The following PARD3B variants were observed in gnomAD, a reference collection of about 807,000 sequenced individuals.
The protein encoded by PARD3B is par-3 family cell polarity regulator beta, also known as partitioning defective 3 homolog B.
A neutral mutation model predicts 130.2 loss-of-function variants in PARD3B; 103 were observed. The ratio of observed to expected loss-of-function variants is 0.79; its 90% CI spans 0.67 to 0.93. The LOEUF is 0.93. Among genes scored for constraint, PARD3B ranks in the 40% least tolerant of loss-of-function variants. The probability of loss-of-function intolerance (pLI) is 0.00; values close to 1 mark genes in which losing one functional copy is unlikely to be tolerated. For missense variants in PARD3B, 1,609 were observed against 1,499.2 expected (o/e 1.07, Z -1.21); for synonymous variants, 583 against 553.2 (o/e 1.05, Z -0.76).
intron 4 of PARD3B, among the ~76,000 whole-genome samples, chr2:205,050,216 TTAA>T (rs571984513): frequency 9.6e-4 from 143 of 148,956 alleles, no homozygotes; most frequent in African/African-American, 3.3e-3. Flanking sequence ...ATAATACTAA[TTAA>T]TAATAATTAA....
intron 3 of PARD3B, among the ~76,000 whole-genome samples, chr2:205,046,325 T>TA (rs1158917213): frequency 1.3e-5 from 2 of 151,962 alleles, no homozygotes; most frequent in Non-Finnish European, 2.9e-5. Flanking sequence ...GTCAGTTGGT[T>TA]AAGAAATGTT....
intron 19 of PARD3B, among the ~76,000 whole-genome samples, chr2:205,411,502 T>G (rs1399750204): frequency 6.6e-6 from 1 of 152,170 alleles, no homozygotes; most frequent in Non-Finnish European, 1.5e-5. Context: ...GTCTTTCAGA[T>G]TGTTGTGAAA....
intron 21 of PARD3B, among the ~76,000 whole-genome samples, chr2:205,549,839 G>C (rs975270589): frequency 6.6e-6 from 1 of 152,176 alleles, no homozygotes; most frequent in Admixed American, 6.5e-5. Flanking sequence ...GTAGCACACT[G>C]GTGGGCATGC....
intron 11 of PARD3B, among the ~76,000 whole-genome samples, chr2:205,166,812 T>G (rs2034846846): frequency 6.6e-6 from 1 of 152,190 alleles, no homozygotes; most frequent in Non-Finnish European, 1.5e-5. Flanking sequence ...ACATCTGCTC[T>G]GCAACCTGAA....
At chr2:205,524,970 T>G (rs944023185) in intron 21 of PARD3B, among the ~76,000 whole-genome samples, 2 of 152,184 alleles carry the variant, frequency 1.3e-5, no homozygotes, top group Admixed American at 6.5e-5. Context: ...TTGTCTATGC[T>G]CACATTGCCA....
In PARD3B at chr2:205,121,708, T is replaced by C; in HGVS notation, c.924T>C (p.Gly308=). 6.2e-7 allele frequency: 1 copy of C among 1,614,062 alleles called. No homozygotes were observed. Among genetic ancestry groups the C allele is most frequent in the South Asian group, 1.1e-5 (1 of 91,080 alleles). ...TCATTGGCTCTCTTAACATTTTTGG[T>C]AATAATGATGGCGTTTTGAAAACCA... ...KSVIGSLNIF[G]NNDGVLKTKV... Residue 308 remains glycine, a synonymous_variant, in exon 8 of 23, where the codon GGT becomes GGC. Coordinates refer to ENST00000406610, the MANE Select transcript of PARD3B (RefSeq NM_001302769.2). This position sits in a 1 kb window ranked among gnomAD's most constrained non-coding sequence, Gnocchi z 5.0.
intron 19 of PARD3B, among the ~76,000 whole-genome samples, chr2:205,432,540 G>A (rs541769771): frequency 7.2e-5 from 11 of 152,068 alleles, no homozygotes; most frequent in Admixed American, 5.2e-4. Context: ...TATATCTGCT[G>A]TCTCTCTACC....
At chr2:205,150,356 T>A (rs2033673036) in intron 10 of PARD3B, among the ~76,000 whole-genome samples, 1 of 151,868 alleles carries the variant, frequency 6.6e-6, no homozygotes, top group Non-Finnish European at 1.5e-5. Context: ...GTTCGTCATA[T>A]CACTAAGGTC....
chr2:204,682,822 G>A (rs2036901816), intron 1 of PARD3B, among the ~76,000 whole-genome samples: 1 of 152,094 alleles, frequency 6.6e-6, no homozygotes, highest in African/African-American at 2.4e-5. Context: ...TATAGTATGT[G>A]GGTTGCCAGT....
intron 15 of PARD3B, among the ~76,000 whole-genome samples, chr2:205,218,465 A>G (rs1429771519): frequency 1.3e-5 from 2 of 152,354 alleles, no homozygotes; most frequent in Non-Finnish European, 2.9e-5. Context: ...ATTTTAAAAA[A>G]TATCAATTGC....
chr2:204,970,237 G>T (rs1429257742), intron 3 of PARD3B, among the ~76,000 whole-genome samples: 1 of 152,118 alleles, frequency 6.6e-6, no homozygotes, highest in Non-Finnish European at 1.5e-5. Context: ...CCCAATCTTT[G>T]TCCCTTGAGA....
intron 2 of PARD3B, among the ~76,000 whole-genome samples, chr2:204,729,594 TG>T (rs1206811632): frequency 6.6e-6 from 1 of 152,230 alleles, no homozygotes; most frequent in African/African-American, 2.4e-5. Flanking sequence ...ATTACAACTT[TG>T]TTTCTTAAAT....
chr2:205,088,220 C>T (rs1007345910), intron 4 of PARD3B, among the ~76,000 whole-genome samples: 2 of 152,096 alleles, frequency 1.3e-5, no homozygotes, highest in Admixed American at 6.6e-5. Context: ...ATGATAGAAA[C>T]GTACTCAGTG....
At chr2:205,613,578 C>T (rs1028288758) in intron 22 of PARD3B, among the ~76,000 whole-genome samples, 31 of 152,172 alleles carry the variant, frequency 2.0e-4, no homozygotes, top group African/African-American at 7.2e-4. Context: ...TTGTCATGGG[C>T]GATTTAAAAT....
At chr2:204,836,245 G>A (rs1195295332) in intron 2 of PARD3B, among the ~76,000 whole-genome samples, 1 of 152,076 alleles carries the variant, frequency 6.6e-6, no homozygotes, top group Non-Finnish European at 1.5e-5. Flanking sequence ...ATGTTTTACA[G>A]GAGAATTTTT....
chr2:205,394,518 G>T (rs1203549735), intron 18 of PARD3B, among the ~76,000 whole-genome samples: 2 of 151,994 alleles, frequency 1.3e-5, no homozygotes, highest in Admixed American at 1.3e-4. Flanking sequence ...CCCTTATCAA[G>T]AACTTTCATC....
At chr2:205,555,814 G>A (rs957003994) in intron 22 of PARD3B, among the ~76,000 whole-genome samples, 1 of 152,194 alleles carries the variant, frequency 6.6e-6, no homozygotes, top group African/African-American at 2.4e-5. Context: ...GGGACCCCTG[G>A]CAGTGGCTTT....
chr2:205,114,753 C>T (rs1559452563), intron 6 of PARD3B, among the ~76,000 whole-genome samples: 2 of 144,484 alleles, frequency 1.4e-5, no homozygotes. Flanking sequence ...AAGTCATCAC[C>T]TTTTTTTTTT....
At chr2:205,503,576 C>A (rs2050238615) in intron 21 of PARD3B, among the ~76,000 whole-genome samples, 1 of 152,004 alleles carries the variant, frequency 6.6e-6, no homozygotes, top group African/African-American at 2.4e-5. Context: ...GTTACTGTAG[C>A]CTTGTAGTAT....
Sources: allele counts gnomAD v4.1 joint callset (sites outside exome capture counted in the v4.1 genomes callset), GRCh38; gene constraint gnomAD v4.1.1; non-coding constraint Gnocchi (gnomAD v3.1); transcripts MANE v1.5; gene names NCBI Gene and HGNC (gene_info 2026-07-23, HGNC 2026-07-21).